Variants in IGSF9 observed in about 807,000 individuals in gnomAD.
The protein encoded by IGSF9 is immunoglobulin superfamily member 9, also known as protein turtle homolog A.
In IGSF9, 87 loss-of-function variants were observed where a neutral mutation model predicts 121.7. The observed-to-expected ratio is 0.71, with a 90% CI of 0.60 to 0.85. The LOEUF (loss-of-function observed/expected upper bound fraction) is 0.85, where lower values mean the gene tolerates loss of function less well. IGSF9 is among the 40% of genes least tolerant of loss of function. IGSF9 has a pLI of 0.00. For missense variants in IGSF9, 1,462 were observed against 1,565.3 expected, an observed-to-expected ratio of 0.93 and a Z score of 1.11; for synonymous variants, 640 against 648.4, an observed-to-expected ratio of 0.99 and a Z score of 0.20.
intron 3 of IGSF9, among the ~76,000 whole-genome samples, chr1:159,938,642 C>G (rs962850440): frequency 6.6e-6 from 1 of 152,162 alleles, no homozygotes; most frequent in African/African-American, 2.4e-5. Context: ...GGCAGTGTAG[C>G]CTCGTGATAC....
In IGSF9 at chr1:159,941,726, C is replaced by T. The variant is rs1209381477; in HGVS notation, c.247+1237G>A. Reference sequence around the variant, plus strand: ...GCAACATTATGAATCTGTCCAGCCTCAGCCCGGCAGCCCGAGACCCCTCCC... The same window carrying T: ...GCAACATTATGAATCTGTCCAGCCTTAGCCCGGCAGCCCGAGACCCCTCCC... On this transcript the variant is annotated intron_variant, in intron 3 of 20. Transcript: ENST00000368094. Among the ~76,000 whole-genome samples, 4 of 152,250 alleles carry T rather than the reference C, an allele frequency of 2.6e-5. No homozygotes were observed. The East Asian group carries it at 7.7e-4, about 29-fold the overall frequency.
At chr1:159,934,007 G>C in intron 9 of IGSF9, 183 bp downstream of exon 9, 1 of 679,414 alleles carries the variant, frequency 1.5e-6, no homozygotes, top group African/African-American at 1.8e-5. Context: ...TTAAACCATG[G>C]AAATTTTTCC....
intron 18 of IGSF9, 78 bp downstream of exon 18, chr1:159,929,273 G>A (rs1650881709): frequency 6.5e-7 from 1 of 1,528,376 alleles, no homozygotes; most frequent in Non-Finnish European, 9.1e-7. Context: ...CCCTGGTAAA[G>A]ATGCAAAAAA....
rs1334154876 is a variant in IGSF9, at chr1:159,928,488, A to T, written c.2900T>A (p.Leu967His). Residue 967 changes from leucine to histidine, a missense_variant, in exon 19 of 21, where the codon CTT (leucine) becomes CAT (histidine). Leu to His is a moderately conservative substitution (Grantham distance 99). This residue lies in a region of IGSF9 where 808 missense variants were observed against 815.2 expected (regional missense o/e 0.99). Coordinates refer to ENST00000368094, the MANE Select transcript of IGSF9 (RefSeq NM_001135050.2). ...DTRRCPTSSF[L>H]RSPETPPVSP... ...TACAGGAGGGGTTTCTGGAGAACGA[A>T]GGAAAGATGAGGTGGGACAGCGCCG... 11 of 1,583,926 alleles carry T rather than the reference A, an allele frequency of 6.9e-6. No individual in the cohort carries two copies. Among genetic ancestry groups the T allele is most frequent in the Non-Finnish European group, 9.5e-6 (11 of 1,162,866 alleles).
At position 159,932,781 on chromosome 1, in the gene IGSF9, A is replaced by G; in HGVS notation, c.1105-129T>C. The G allele has an allele frequency of 2.4e-6, 2 of 850,098 alleles. No homozygotes were observed. The highest frequency in any genetic ancestry group is 5.9e-4 in the Middle Eastern group (2 of 3,404). 52.7% of individuals were successfully genotyped at this position (850,098 alleles called of 1,614,324 possible). On this transcript the variant is annotated intron_variant, in intron 9 of 20. Coordinates refer to ENST00000368094, the MANE Select transcript of IGSF9 (RefSeq NM_001135050.2). This position sits in a 1 kb window ranked among gnomAD's most constrained non-coding sequence, Gnocchi z 4.1. The stretch of plus-strand genomic sequence containing the variant: ...AGAAGACTCCAGCAGCTCCATGTCT[A>G]GGCCTGACCCCTCTCTGATTTCCAG...
At position 159,928,937 on chromosome 1, in the gene IGSF9, A is replaced by T; in HGVS notation, c.2451T>A (p.Ser817Arg). Residue 817 changes from serine (S) to arginine (R), a missense_variant, in exon 19 of 21, where the codon AGT becomes AGA. This residue lies in a region of IGSF9 where 808 missense variants were observed against 815.2 expected (regional missense o/e 0.99). Transcript: ENST00000368094. ...QGSPVPSLRQ[S>R]LLWGDPAGTP... ...TTCCGGCAGGATCCCCCCAGAGCAG[A>T]CTCTGGCGCAGGCTGGGGACTGGGG... is the stretch of plus-strand genomic sequence containing the variant. The T allele has an allele frequency of 6.4e-7, 1 of 1,553,756 alleles. No homozygotes were observed. Among genetic ancestry groups the T allele is most frequent in the Non-Finnish European group, 8.7e-7 (1 of 1,153,180 alleles).
At chr1:159,936,556 C>A in intron 5 of IGSF9, 40 bp from the exon 6 acceptor site, 1 of 1,592,766 alleles carries the variant, frequency 6.3e-7, no homozygotes, top group Non-Finnish European at 8.6e-7. Context: ...TTTCCCCTGC[C>A]AGCCTCAGAT....
In IGSF9 at chr1:159,931,960, C is replaced by T. The variant is rs1357453857; in HGVS notation, c.1246-32G>A. On this transcript the variant is annotated intron_variant, in intron 10 of 20. Coordinates refer to ENST00000368094, the MANE Select transcript of IGSF9 (RefSeq NM_001135050.2). The surrounding 1 kb of genome is among the most constrained non-coding windows in gnomAD (Gnocchi z 4.8). ...GCCAGATCTGGCATTGGGAGGGGCC[C>T]TCTCTTACATCTAAGGCTGGCTACT... The T allele has an allele frequency of 5.8e-6, 8 of 1,386,750 alleles. No individual in the cohort carries two copies. Among genetic ancestry groups the T allele is most frequent in the Non-Finnish European group, 8.0e-6 (8 of 995,064 alleles). The allele number at this position is 1,386,750 out of a possible 1,614,324, so 85.9% of individuals were successfully genotyped here. A position where few individuals can be genotyped will look rare whatever the true frequency, so the allele number is the denominator to read the frequency against.
intron 6 of IGSF9, 23 bp downstream of exon 6, chr1:159,936,376 C>A: frequency 6.2e-7 from 1 of 1,603,502 alleles, no homozygotes; most frequent in Non-Finnish European, 8.5e-7. Flanking sequence ...ACCCTGGACC[C>A]CAGCCCTCCC....
At position 159,931,120 on chromosome 1, in the gene IGSF9, C is replaced by G; in HGVS notation, c.1637+18G>C. 3.7e-6 allele frequency: 6 copies of G among 1,614,016 alleles called. No homozygotes were observed. Among genetic ancestry groups the G allele is most frequent in the Non-Finnish European group, 4.2e-6 (5 of 1,179,932 alleles). ...AGGCAAGATTGGCACAGAGAAATGGCAGGAGCAGGTCACTCACAGTGGGGT... is the reference window on the plus strand; with the variant it reads ...AGGCAAGATTGGCACAGAGAAATGGGAGGAGCAGGTCACTCACAGTGGGGT... On this transcript the variant is annotated intron_variant, in intron 13 of 20. Transcript: ENST00000368094. This position sits in a 1 kb window ranked among gnomAD's most constrained non-coding sequence, Gnocchi z 4.8.
In IGSF9 at chr1:159,936,859, T is replaced by C. The variant is rs754869280; in HGVS notation, c.450A>G (p.Glu150=). ...CACAACGCAGGGTCACAGGCTCCAG[T>C]TCCTGCACTTCCAACACAGCAGGAG... ...ETPPAVLEVQ[E]LEPVTLRCVA... The change falls in exon 5 of 21, where the codon GAA becomes GAG. Residue 150 remains glutamate (E), a synonymous_variant. Coordinates refer to ENST00000368094, the MANE Select transcript of IGSF9 (RefSeq NM_001135050.2). 4 of 1,614,170 alleles carry C rather than the reference T, an allele frequency of 2.5e-6. No individual in the cohort carries two copies. The South Asian group carries it at 4.4e-5, about 18-fold the overall frequency.
chr1:159,930,216 T>C lies in IGSF9; in HGVS notation c.2037A>G (p.Thr679=), dbSNP rs1650940194. The C allele has an allele frequency of 6.2e-7, 1 of 1,611,722 alleles. No homozygotes were observed. The highest frequency in any genetic ancestry group is 8.5e-7 in the Non-Finnish European group (1 of 1,178,930). Residue 679 remains threonine, a synonymous_variant, in exon 15 of 21, where the codon ACA becomes ACG. Coordinates refer to ENST00000368094, the MANE Select transcript of IGSF9 (RefSeq NM_001135050.2). ...TGATGAGGCCTGGCACCAGCAGCTC[T>C]GTTTCTGTGCCTGCCACAGCCGGGT... The part of the protein sequence containing the change: ...VLDPAVAGTE[T]ELLVPGLIKD...
In IGSF9 at chr1:159,945,566, C is replaced by G. The variant is rs1176494393; in HGVS notation, c.-175+7G>C. ...CTTCTATACCTCCAGTACGCCCCCT[C>G]CCTCACCTGCTCCGCACCGCTCGGC... is the stretch of plus-strand genomic sequence containing the variant. On this transcript the variant is annotated splice_region_variant and intron_variant, in intron 1 of 20. Transcript: ENST00000368094. The G allele has an allele frequency of 1.3e-5, 2 of 152,390 alleles. No homozygotes were observed. The highest frequency in any genetic ancestry group is 2.9e-5 in the Non-Finnish European group (2 of 68,204). The allele number at this position is 152,390 out of a possible 1,614,324, so 9.4% of individuals were successfully genotyped here.
chr1:159,931,342 T>G lies in IGSF9; in HGVS notation c.1514-81A>C. The G allele has an allele frequency of 6.2e-7, 1 of 1,601,722 alleles. No homozygotes were observed. The highest frequency in any genetic ancestry group is 8.5e-7 in the Non-Finnish European group (1 of 1,171,706). On this transcript the variant is annotated intron_variant, in intron 12 of 20. Transcript: ENST00000368094. This position sits in a 1 kb window ranked among gnomAD's most constrained non-coding sequence, Gnocchi z 4.8. ...AGCAGGGGCCCCAGGGCCACTGACC[T>G]TCACCCATCATCATCCCAGGGGTCC...
In IGSF9 at chr1:159,934,247, G is replaced by A. The variant is rs756089238; in HGVS notation, c.1047C>T (p.Asn349=). The A allele has an allele frequency of 1.2e-6, 2 of 1,614,072 alleles. No homozygotes were observed. Among genetic ancestry groups the A allele is most frequent in the South Asian group, 2.2e-5 (2 of 91,014 alleles). Residue 349 remains asparagine (N), a synonymous_variant, in exon 9 of 21, where the codon AAC becomes AAT. Transcript: ENST00000368094. Reference sequence around the variant, plus strand: ...TCCAGCTGACAAAGAGCAGTGGGGGGTTGGCACGAACCGGGCAGCGGATCA... The same window carrying A: ...TCCAGCTGACAAAGAGCAGTGGGGGATTGGCACGAACCGGGCAGCGGATCA... ...PGVIRCPVRA[N]PPLLFVSWTK...
intron 3 of IGSF9, among the ~76,000 whole-genome samples, chr1:159,941,345 T>G (rs750168782): frequency 6.6e-5 from 10 of 152,212 alleles, no homozygotes; most frequent in Non-Finnish European, 5.9e-5. Context: ...GAGAGGCCCC[T>G]TCCACACTGT....
intron 19 of IGSF9, 36 bp from the exon 20 acceptor site, chr1:159,927,923 G>A: frequency 1.2e-6 from 2 of 1,602,282 alleles, no homozygotes; most frequent in South Asian, 1.1e-5. Context: ...CATATGGTGT[G>A]GGTGGAGGAA....
In IGSF9 at chr1:159,927,788, C is replaced by A; in HGVS notation, c.3330G>T (p.Arg1110=). 6.2e-7 allele frequency: 1 copy of A among 1,613,770 alleles called. No homozygotes were observed. The highest frequency in any genetic ancestry group is 8.5e-7 in the Non-Finnish European group (1 of 1,179,946). ...ETLHLGLASS[R]LRPEAEPELG... is the part of the protein sequence containing the mutation. ...GCTCTGGCTCAGCTTCAGGTCTGAG[C>A]CGGGAGCTGGCCAAGCCCAGGTGCA... Residue 1110 remains arginine (R), a synonymous_variant, in exon 20 of 21, where the codon CGG becomes CGT. Transcript: ENST00000368094.
At chr1:159,929,250 A>G in intron 18 of IGSF9, 101 bp downstream of exon 18, 1 of 1,464,888 alleles carries the variant, frequency 6.8e-7, no homozygotes, top group South Asian at 1.1e-5. Context: ...TTCCTCCCCA[A>G]CACCCAACAT....
Sources: gnomAD v4.1 joint callset for allele counts (sites outside exome capture counted in the v4.1 genomes callset) on GRCh38, gnomAD v4.1.1 for gene constraint, gnomAD v4.1.1 regional missense constraint, Gnocchi (gnomAD v3.1) non-coding constraint, MANE v1.5 for transcripts, NCBI Gene and HGNC (gene_info 2026-07-23, HGNC 2026-07-21) for gene names.